FHIT: variants seen among roughly 807,000 people sequenced by gnomAD.
FHIT encodes fragile histidine triad diadenosine triphosphatase, also known as bis(5'-adenosyl)-triphosphatase.
Under a neutral mutation model 17.9 loss-of-function variants are expected in FHIT, and 19 were observed. That is an observed-to-expected ratio of 1.06 (90% CI 0.74 to 1.56). The LOEUF (loss-of-function observed/expected upper bound fraction) is 1.56, where lower values mean the gene tolerates loss of function less well. FHIT is among the 40% of genes most tolerant of loss of function. The pLI, the probability that FHIT is intolerant of heterozygous loss-of-function variation, is 0.00. For missense variants in FHIT, 248 were observed against 189.2 expected (o/e 1.31, Z -1.82); for synonymous variants, 81 against 69.7 (o/e 1.16, Z -0.81).
intron 5 of FHIT, among the ~76,000 whole-genome samples, chr3:60,439,069 G>T (rs916207618): frequency 1.3e-5 from 2 of 152,158 alleles, no homozygotes; most frequent in Non-Finnish European, 2.9e-5. Context: ...ATTAGATGGA[G>T]AAATCTTTAC....
intron 2 of FHIT, among the ~76,000 whole-genome samples, chr3:61,193,267 G>A (rs1399530207): frequency 6.6e-6 from 1 of 152,192 alleles, no homozygotes; most frequent in Non-Finnish European, 1.5e-5. Context: ...AGAAGCTGGA[G>A]CAGTTCCTTA....
At chr3:60,927,013 C>T (rs1225607104) in intron 3 of FHIT, among the ~76,000 whole-genome samples, 1 of 152,156 alleles carries the variant, frequency 6.6e-6, no homozygotes, top group African/African-American at 2.4e-5. Context: ...CCCCCTCCCT[C>T]GTCTCCGTCT....
At chr3:60,482,081 G>A (rs1301935105) in intron 5 of FHIT, among the ~76,000 whole-genome samples, 1 of 152,134 alleles carries the variant, frequency 6.6e-6, no homozygotes, top group Non-Finnish European at 1.5e-5. Context: ...GACAAAGAAG[G>A]TTATTACATA....
intron 5 of FHIT, among the ~76,000 whole-genome samples, chr3:60,316,991 G>A (rs1207186111): frequency 6.6e-6 from 1 of 152,086 alleles, no homozygotes; most frequent in African/African-American, 2.4e-5. Flanking sequence ...ATTTTATTAA[G>A]TAATTCCAAA....
intron 3 of FHIT, among the ~76,000 whole-genome samples, chr3:61,020,410 T>A (rs906889995): frequency 6.6e-6 from 1 of 152,248 alleles, no homozygotes; most frequent in Non-Finnish European, 1.5e-5. Context: ...TAAATTTTTT[T>A]AAGGTCTTTG....
intron 5 of FHIT, among the ~76,000 whole-genome samples, chr3:60,157,280 A>G (rs1700744147): frequency 6.6e-6 from 1 of 152,100 alleles, no homozygotes; most frequent in African/African-American, 2.4e-5. Context: ...AGGATGTGGG[A>G]CTCAGAAATG....
chr3:60,113,486 G>A (rs1381706981), intron 5 of FHIT, among the ~76,000 whole-genome samples: 1 of 151,856 alleles, frequency 6.6e-6, no homozygotes, highest in Non-Finnish European at 1.5e-5. Flanking sequence ...TTGGGATTCA[G>A]TGTTACATCT....
chr3:60,380,582 G>T (rs1471693714), intron 5 of FHIT, among the ~76,000 whole-genome samples: 2 of 152,028 alleles, frequency 1.3e-5, no homozygotes, highest in Admixed American at 6.6e-5. Context: ...GGAAAAAGAG[G>T]GTACAGATTT....
chr3:60,442,584 G>A (rs566340069), intron 5 of FHIT, among the ~76,000 whole-genome samples: 1 of 152,104 alleles, frequency 6.6e-6, no homozygotes, highest in Non-Finnish European at 1.5e-5. Context: ...GATAGTTGTA[G>A]ATGTGTGGTA....
Position 61,018,594 on chromosome 3 carries a change from A to G in FHIT, c.-111+23453T>C, listed in dbSNP as rs1575846728. ...AACAGCCTGTGCAGAACATCAACACAGTATATCACCCCAGCAAGGAAAGTT... is the reference window on the plus strand; with the variant it reads ...AACAGCCTGTGCAGAACATCAACACGGTATATCACCCCAGCAAGGAAAGTT... On this transcript the variant is annotated intron_variant, in intron 3 of 9. Transcript: ENST00000492590. Among the ~76,000 whole-genome samples, 2 of 152,226 alleles carry G rather than the reference A, an allele frequency of 1.3e-5. 1 individual carries two copies. The highest frequency in any genetic ancestry group is 4.1e-4 in the South Asian group (2 of 4,834).
At chr3:60,718,072 A>T (rs534201990) in intron 4 of FHIT, among the ~76,000 whole-genome samples, 8 of 152,306 alleles carry the variant, frequency 5.3e-5, no homozygotes, top group Non-Finnish European at 1.0e-4. Flanking sequence ...TCAACCTTGT[A>T]TGTTATTTCA....
intron 5 of FHIT, among the ~76,000 whole-genome samples, chr3:60,135,533 A>G (rs1229681259): frequency 1.3e-5 from 2 of 152,112 alleles, no homozygotes; most frequent in Admixed American, 6.6e-5. Flanking sequence ...TTTCCTCATC[A>G]TGGGGAGAAA....
chr3:61,085,618 T>C (rs1333583258), intron 2 of FHIT, among the ~76,000 whole-genome samples: 1 of 152,122 alleles, frequency 6.6e-6, no homozygotes, highest in Non-Finnish European at 1.5e-5. Flanking sequence ...CGTTTTAAAA[T>C]GTTATGAAGT....
intron 5 of FHIT, among the ~76,000 whole-genome samples, chr3:60,460,004 G>C (rs1296530884): frequency 6.6e-6 from 1 of 152,058 alleles, no homozygotes; most frequent in East Asian, 1.9e-4. Flanking sequence ...CAACCCAAAA[G>C]TCCTGTAAAA....
intron 1 of FHIT, among the ~76,000 whole-genome samples, chr3:61,213,407 G>T (rs2039556247): frequency 6.6e-6 from 1 of 152,236 alleles, no homozygotes; most frequent in African/African-American, 2.4e-5. Context: ...AAGAGAGAAA[G>T]AAGGCCATTA....
At chr3:60,678,990 G>T (rs2040686559) in intron 4 of FHIT, among the ~76,000 whole-genome samples, 2 of 150,642 alleles carry the variant, frequency 1.3e-5, no homozygotes, top group African/African-American at 4.9e-5. Flanking sequence ...AAAAAAAAGT[G>T]GTTTGCAAAC....
At chr3:60,139,465 A>T (rs1452693286) in intron 5 of FHIT, among the ~76,000 whole-genome samples, 1 of 152,198 alleles carries the variant, frequency 6.6e-6, no homozygotes, top group Non-Finnish European at 1.5e-5. Context: ...AGAAAAGGCC[A>T]GATGATGAAA....
chr3:59,937,273 G>C (rs1393622536), intron 7 of FHIT, among the ~76,000 whole-genome samples: 1 of 152,094 alleles, frequency 6.6e-6, no homozygotes, highest in East Asian at 1.9e-4. Flanking sequence ...CAACAGCCAT[G>C]GCTGGGTTGT....
At chr3:60,510,942 T>C (rs1237994908) in intron 5 of FHIT, among the ~76,000 whole-genome samples, 2 of 152,204 alleles carry the variant, frequency 1.3e-5, no homozygotes, top group Non-Finnish European at 2.9e-5. Flanking sequence ...CATCTAATGT[T>C]AATGACAAAC....
Sources: gnomAD v4.1 joint callset for allele counts (sites outside exome capture counted in the v4.1 genomes callset) on GRCh38, gnomAD v4.1.1 for gene constraint, MANE v1.5 for transcripts, NCBI Gene and HGNC (gene_info 2026-07-23, HGNC 2026-07-21) for gene names.